MIPOL1: variants seen among roughly 807,000 people sequenced by gnomAD.
MIPOL1 encodes mirror-image polydactyly 1.
In MIPOL1, 57 loss-of-function variants were observed where a neutral mutation model predicts 60.9. The observed-to-expected ratio is 0.94, with a 90% CI of 0.76 to 1.17. The LOEUF (loss-of-function observed/expected upper bound fraction) is 1.17, where lower values mean the gene tolerates loss of function less well. Ranked by LOEUF, MIPOL1 falls within the 50% of genes most tolerant of loss-of-function variation. The probability of loss-of-function intolerance (pLI) is 0.00; values close to 1 mark genes in which losing one functional copy is unlikely to be tolerated. For missense variants in MIPOL1, 551 were observed against 511.6 expected (o/e 1.08, Z -0.74); for synonymous variants, 179 against 168.8 (o/e 1.06, Z -0.47).
chr14:37,365,774 TA>T (rs1020632698), intron 9 of MIPOL1, among the ~76,000 whole-genome samples: 4 of 152,094 alleles, frequency 2.6e-5, no homozygotes, highest in African/African-American at 9.7e-5. Flanking sequence ...ATAGTTTGAG[TA>T]GGATTGGTAT....
Position 37,378,052 on chromosome 14 carries a change from A to C in MIPOL1, c.936+8428A>C, listed in dbSNP as rs977272220. 2.0e-5 allele frequency among the ~76,000 whole-genome samples: 3 copies of C among 152,130 alleles called. No individual in the cohort carries two copies. In the South Asian group the frequency reaches 6.2e-4, roughly 32 times the overall value. ...AAAAATACTGATATACTAAATGTTG[A>C]CAGGATGTGGAGAAATTGAATCTTT... is the stretch of plus-strand genomic sequence containing the variant. On this transcript the variant is annotated intron_variant, in intron 10 of 12. Coordinates refer to ENST00000684589, the MANE Select transcript of MIPOL1 (RefSeq NM_001388067.1).
In MIPOL1 at chr14:37,546,943, G is replaced by A; in HGVS notation, c.1301G>A (p.Gly434Glu). The change falls in exon 13 of 13, where the codon GGA becomes GAA. Residue 434 changes from glycine to glutamate, a missense_variant. Transcript: ENST00000684589. Reference protein sequence around the residue: ...RLVDVLRKKVGTGTMRTVI With the variant: ...RLVDVLRKKVETGTMRTVI ...GTGGATGTACTGAGGAAGAAGGTTG[G>A]AACCGGGACCATGAGGACAGTGATC... The A allele has an allele frequency of 6.2e-7, 1 of 1,608,434 alleles. No individual in the cohort carries two copies. The highest frequency in any genetic ancestry group is 8.5e-7 in the Non-Finnish European group (1 of 1,177,284).
At chr14:37,337,704 C>G (rs1306665385) in intron 9 of MIPOL1, among the ~76,000 whole-genome samples, 1 of 151,848 alleles carries the variant, frequency 6.6e-6, no homozygotes, top group South Asian at 2.1e-4. Context: ...TATTGTGATT[C>G]TTTCCTCATT....
chr14:37,352,955 A>G (rs1304864866), intron 9 of MIPOL1, among the ~76,000 whole-genome samples: 11 of 142,222 alleles, frequency 7.7e-5, no homozygotes, highest in South Asian at 2.4e-4. Context: ...GAATAGGAGT[A>G]GTGAGAGAGG....
At chr14:37,326,834 GGTGAGCACTC>G (rs1474387290) in intron 9 of MIPOL1, among the ~76,000 whole-genome samples, 1 of 152,174 alleles carries the variant, frequency 6.6e-6, no homozygotes, top group African/African-American at 2.4e-5. Flanking sequence ...GTCACCTTTT[GGTGAGCACTC>G]ACGTGAAACA....
chr14:37,247,949 T>C, intron 3 of MIPOL1, 42 bp downstream of exon 3: 2 of 1,606,034 alleles, frequency 1.2e-6, no homozygotes. Flanking sequence ...CCAGGTGTTG[T>C]TCTAGTTCAA....
chr14:37,507,056 A>G (rs1361094810), intron 12 of MIPOL1: 1 of 152,132 alleles, frequency 6.6e-6, no homozygotes, highest in Admixed American at 6.6e-5. Flanking sequence ...ACAATGAGAT[A>G]ACCATCTCAT....
intron 11 of MIPOL1, among the ~76,000 whole-genome samples, chr14:37,467,434 C>G (rs2094612702): frequency 6.6e-6 from 1 of 152,132 alleles, no homozygotes; most frequent in South Asian, 2.1e-4. Context: ...TGATAAATAT[C>G]ATTTTTTATA....
intron 10 of MIPOL1, among the ~76,000 whole-genome samples, chr14:37,416,092 T>A (rs899538382): frequency 6.6e-5 from 10 of 152,280 alleles, no homozygotes; most frequent in Non-Finnish European, 1.5e-4. Context: ...CTATCTGAAA[T>A]TAGATAATAT....
chr14:37,392,850 T>A (rs1566508034), intron 10 of MIPOL1, among the ~76,000 whole-genome samples: 1 of 152,172 alleles, frequency 6.6e-6, no homozygotes, highest in East Asian at 1.9e-4. Flanking sequence ...ATTAAAGTCT[T>A]GTGCAACCTG....
chr14:37,532,545 A>G (rs889775642), intron 12 of MIPOL1, among the ~76,000 whole-genome samples: 2 of 151,834 alleles, frequency 1.3e-5, no homozygotes, highest in Non-Finnish European at 2.9e-5. Context: ...AGGAATCAGG[A>G]AAAAAAATGA....
At chr14:37,496,941 T>C (rs1158273103) in intron 11 of MIPOL1, among the ~76,000 whole-genome samples, 2 of 151,834 alleles carry the variant, frequency 1.3e-5, no homozygotes, top group Non-Finnish European at 1.5e-5. Flanking sequence ...ATGGTACTGG[T>C]ACCAAAACAG....
At chr14:37,339,774 C>T (rs75708467) in intron 9 of MIPOL1, among the ~76,000 whole-genome samples, 2,304 of 152,108 alleles carry the variant, frequency 0.015, 30 homozygotes, top group Non-Finnish European at 0.024. Context: ...TTATGAAGTT[C>T]AAGAAGAGAT....
chr14:37,438,873 C>A (rs1179736677), intron 11 of MIPOL1, among the ~76,000 whole-genome samples: 1 of 152,168 alleles, frequency 6.6e-6, no homozygotes, highest in African/African-American at 2.4e-5. Context: ...CAATTTTATC[C>A]ATACAATCAT....
intron 11 of MIPOL1, among the ~76,000 whole-genome samples, chr14:37,429,475 C>T (rs1566589240): frequency 1.3e-5 from 2 of 151,978 alleles, no homozygotes; most frequent in African/African-American, 4.8e-5. Context: ...CATTTTAGAA[C>T]AAAAATGTTG....
chr14:37,512,190 TA>T (rs1354586732), intron 12 of MIPOL1, among the ~76,000 whole-genome samples: 2 of 152,106 alleles, frequency 1.3e-5, no homozygotes, highest in African/African-American at 4.8e-5. Context: ...CACAGCTGTT[TA>T]AAGTCTTTTC....
chr14:37,308,746 A>C (rs2087008622), intron 9 of MIPOL1, among the ~76,000 whole-genome samples: 1 of 152,140 alleles, frequency 6.6e-6, no homozygotes, highest in African/African-American at 2.4e-5. Context: ...CTCATTTCTT[A>C]ATAAAATTAA....
intron 2 of MIPOL1, among the ~76,000 whole-genome samples, chr14:37,247,465 A>G (rs566226214): frequency 6.6e-6 from 1 of 152,136 alleles, no homozygotes; most frequent in South Asian, 2.1e-4. Flanking sequence ...CAAATCAGTA[A>G]ATTTGAAATT....
At chr14:37,434,588 A>T (rs1468292172) in intron 11 of MIPOL1, 1 of 151,992 alleles carries the variant, frequency 6.6e-6, no homozygotes, top group Non-Finnish European at 1.5e-5. Flanking sequence ...TTAAAAAAAA[A>T]ATAGAGGCAA....
Sources: allele counts gnomAD v4.1 joint callset (sites outside exome capture counted in the v4.1 genomes callset), GRCh38; gene constraint gnomAD v4.1.1; transcripts MANE v1.5; gene names NCBI Gene and HGNC (gene_info 2026-07-23, HGNC 2026-07-21).